Variants in AKAP6 observed in about 807,000 individuals in gnomAD.
The protein encoded by AKAP6 is A-kinase anchoring protein 6, also known as A-kinase anchor protein 6.
AKAP6 carries 58 observed loss-of-function variants against 188.5 expected under a neutral mutation model. The observed-to-expected ratio is 0.31, with a 90% CI of 0.25 to 0.38. The LOEUF (loss-of-function observed/expected upper bound fraction) is 0.38, where lower values mean the gene tolerates loss of function less well. Among genes scored for constraint, AKAP6 ranks in the 10% least tolerant of loss-of-function variants. The probability of loss-of-function intolerance (pLI) is 1.00; values close to 1 mark genes in which losing one functional copy is unlikely to be tolerated. For synonymous variants in AKAP6, 989 were observed against 998.6 expected (o/e 0.99, Z 0.18); for missense variants, 2,710 against 2,740.0 (o/e 0.99, Z 0.24).
At chr14:32,577,611 G>A (rs1045420321) in intron 5 of AKAP6, among the ~76,000 whole-genome samples, 1 of 152,084 alleles carries the variant, frequency 6.6e-6, no homozygotes, top group Non-Finnish European at 1.5e-5. Flanking sequence ...TAGAATTCTT[G>A]TAAAATTAAT....
At chr14:32,590,748 A>G (rs1885455699) in intron 5 of AKAP6, among the ~76,000 whole-genome samples, 1 of 152,182 alleles carries the variant, frequency 6.6e-6, no homozygotes, top group African/African-American at 2.4e-5. Flanking sequence ...TTTGACAAAA[A>G]ACACCAGGAA....
At chr14:32,516,879 A>G (rs1881549856) in intron 2 of AKAP6, among the ~76,000 whole-genome samples, 1 of 152,204 alleles carries the variant, frequency 6.6e-6, no homozygotes, top group African/African-American at 2.4e-5. Flanking sequence ...TTTTCCCATT[A>G]AAGGAAACCA....
Position 32,824,574 on chromosome 14 carries a change from A to C in AKAP6, c.6761A>C (p.Glu2254Ala). 1.2e-6 allele frequency: 2 copies of C among 1,613,920 alleles called. No homozygotes were observed. The highest frequency in any genetic ancestry group is 8.5e-7 in the Non-Finnish European group (1 of 1,179,930). The change falls in exon 13 of 14, where the codon GAA (glutamate) becomes GCA (alanine). Residue 2254 changes from glutamate to alanine, a missense_variant. Physicochemically the swap from Glu to Ala is moderately radical, Grantham distance 107 (BLOSUM62 -1). Coordinates refer to ENST00000280979, the MANE Select transcript of AKAP6 (RefSeq NM_004274.5). ...FTPSKLDSEK[E>A]SSGKPGESGM... is the part of the protein sequence containing the mutation. ...CCTTCAAAGCTTGACAGTGAAAAGG[A>C]AAGTTCCGGAAAACCAGGTGAATCT...
intron 11 of AKAP6, among the ~76,000 whole-genome samples, chr14:32,763,315 A>G (rs2032600766): frequency 1.3e-5 from 2 of 152,152 alleles, no homozygotes; most frequent in South Asian, 4.1e-4. Flanking sequence ...ATAAAATGTG[A>G]CAGCCAAGAT....
chr14:32,806,283 C>A (rs1489413480), intron 12 of AKAP6, among the ~76,000 whole-genome samples: 1 of 152,180 alleles, frequency 6.6e-6, no homozygotes, highest in Non-Finnish European at 1.5e-5. Flanking sequence ...AATGACAGCA[C>A]CAATTACAAA....
intron 7 of AKAP6, among the ~76,000 whole-genome samples, chr14:32,640,665 C>G (rs1887717089): frequency 6.6e-6 from 1 of 152,124 alleles, no homozygotes; most frequent in Non-Finnish European, 1.5e-5. Flanking sequence ...TTAGCCCTTA[C>G]AGATAACCCT....
chr14:32,387,759 G>A (rs1329784532), intron 1 of AKAP6, among the ~76,000 whole-genome samples: 1 of 150,592 alleles, frequency 6.6e-6, no homozygotes, highest in African/African-American at 2.4e-5. Flanking sequence ...ATTTTGTTAA[G>A]GATTGTAGCA....
At chr14:32,454,677 TTCCCTCCTTCCC>T (rs777318130) in intron 2 of AKAP6, among the ~76,000 whole-genome samples, 6,215 of 42,094 alleles carry the variant, frequency 0.15, 534 homozygotes, top group South Asian at 0.34. Context: ...CCTTCCCTCC[TTCCCTCCTTCCC>T]TCCCTCCCTC....
At chr14:32,526,338 T>C (rs1009147840) in intron 2 of AKAP6, among the ~76,000 whole-genome samples, 1 of 152,164 alleles carries the variant, frequency 6.6e-6, no homozygotes, top group African/African-American at 2.4e-5. Context: ...GGTCAAGTGA[T>C]CCTCCTGCTT....
intron 11 of AKAP6, among the ~76,000 whole-genome samples, chr14:32,765,146 G>C (rs958875597): frequency 4.6e-5 from 7 of 151,920 alleles, no homozygotes; most frequent in Non-Finnish European, 8.8e-5. Flanking sequence ...TGTTGGTCAG[G>C]CTGGTCTTGA....
chr14:32,765,797 T>A (rs1315573446), intron 11 of AKAP6, among the ~76,000 whole-genome samples: 1 of 152,132 alleles, frequency 6.6e-6, no homozygotes, highest in Non-Finnish European at 1.5e-5. Flanking sequence ...TTGTATGGTA[T>A]TAGTTATATC....
At chr14:32,561,611 G>T (rs567264627) in intron 4 of AKAP6, among the ~76,000 whole-genome samples, 1 of 152,284 alleles carries the variant, frequency 6.6e-6, no homozygotes, top group East Asian at 1.9e-4. Context: ...TGAATGTGAG[G>T]CTGTGACATT....
At chr14:32,756,467 G>A (rs1347161371) in intron 11 of AKAP6, among the ~76,000 whole-genome samples, 1 of 151,978 alleles carries the variant, frequency 6.6e-6, no homozygotes. Flanking sequence ...GTATATTAGG[G>A]CACACTGGAG....
intron 10 of AKAP6, 29 bp from the exon 11 acceptor site, chr14:32,735,626 TTTA>T: frequency 6.7e-7 from 1 of 1,484,250 alleles, no homozygotes; most frequent in Non-Finnish European, 9.1e-7. Context: ...GTTTGTTTGT[TTTA>T]TTTTTTGTTT....
chr14:32,523,472 C>CTTT lies in AKAP6; in HGVS notation c.325-12070_325-12068dup, dbSNP rs553132622. On this transcript the variant is annotated intron_variant, in intron 2 of 13. Coordinates refer to ENST00000280979, the MANE Select transcript of AKAP6 (RefSeq NM_004274.5). Reference sequence around the variant, plus strand: ...CAAAGTTGAATACCTCTCTCTCTCTCTTTTTTTTTTTTTTGAGACGGGGTC... The same window carrying CTTT: ...CAAAGTTGAATACCTCTCTCTCTCTCTTTTTTTTTTTTTTTTTGAGACGGGGTC... Among the ~76,000 whole-genome samples, 1,145 of 142,808 alleles carry CTTT rather than the reference C, an allele frequency of 8.0e-3. 20 individuals carry two copies. The highest frequency in any genetic ancestry group is 0.026 in the African/African-American group (993 of 38,874). 93.7% of individuals were successfully genotyped at this position (142,808 alleles called of 152,430 possible). A position where few individuals can be genotyped will look rare whatever the true frequency, so the allele number is the denominator to read the frequency against.
chr14:32,750,736 TG>T lies in AKAP6; in HGVS notation c.3372+14855del, dbSNP rs1188095223. ...CAGGACTGGGTCACTAAATTAATTT[TG>T]TTTTTTTTTTTTTGTTTTTTTTTCA... On this transcript the variant is annotated intron_variant, in intron 11 of 13. Transcript: ENST00000280979. Among the ~76,000 whole-genome samples the T allele has an allele frequency of 2.4e-3, 226 of 92,752 alleles. 2 individuals carry two copies. Among genetic ancestry groups the T allele is most frequent in the African/African-American group, 6.2e-3 (212 of 34,406 alleles). 60.8% of individuals were successfully genotyped at this position (92,752 alleles called of 152,430 possible).
intron 3 of AKAP6, among the ~76,000 whole-genome samples, chr14:32,541,669 G>A (rs954181594): frequency 2.6e-5 from 4 of 151,946 alleles, no homozygotes; most frequent in African/African-American, 9.7e-5. Context: ...AATTTAAATA[G>A]GTTTTATGAG....
chr14:32,401,592 G>T (rs1348445272), intron 1 of AKAP6, among the ~76,000 whole-genome samples: 1 of 152,134 alleles, frequency 6.6e-6, no homozygotes, highest in Non-Finnish European at 1.5e-5. Context: ...ATGTGGGACT[G>T]CAGGATCCAT....
intron 9 of AKAP6, among the ~76,000 whole-genome samples, chr14:32,705,870 A>G (rs974468092): frequency 9.9e-5 from 15 of 152,096 alleles, no homozygotes; most frequent in African/African-American, 2.4e-4. Flanking sequence ...TTCCCTTACT[A>G]TGGTAGAGAG....
Sources: allele counts gnomAD v4.1 joint callset (sites outside exome capture counted in the v4.1 genomes callset), GRCh38; gene constraint gnomAD v4.1.1; transcripts MANE v1.5; gene names NCBI Gene and HGNC (gene_info 2026-07-23, HGNC 2026-07-21).